The following AHCYL1 variants were observed in gnomAD, a reference collection of about 807,000 sequenced individuals.
The protein encoded by AHCYL1 is S-adenosylhomocysteine hydrolase-like protein 1.
A neutral mutation model predicts 79.3 loss-of-function variants in AHCYL1; 20 were observed. The observed-to-expected ratio is 0.25, with a 90% CI of 0.18 to 0.37. The LOEUF (loss-of-function observed/expected upper bound fraction) is 0.37, where lower values mean the gene tolerates loss of function less well. Ranked by LOEUF, AHCYL1 falls within the 10% of genes least tolerant of loss-of-function variation. AHCYL1 has a pLI of 1.00. For synonymous variants in AHCYL1, 223 were observed against 242.2 expected, an observed-to-expected ratio of 0.92 and a Z score of 0.74; for missense variants, 330 against 673.6, an observed-to-expected ratio of 0.49 and a Z score of 5.65.
In AHCYL1 at chr1:110,018,607, A is replaced by T. The variant is rs766518163; in HGVS notation, c.1274A>T (p.His425Leu). 1 of 1,614,024 alleles carries T rather than the reference A, an allele frequency of 6.2e-7. No individual in the cohort carries two copies. Among genetic ancestry groups the T allele is most frequent in the Non-Finnish European group, 8.5e-7 (1 of 1,179,974 alleles). Residue 425 changes from histidine (H) to leucine (L), a missense_variant, in exon 13 of 17, where the codon CAT (histidine) becomes CTT (leucine). By Grantham distance (99) the His-to-Leu change is moderately conservative (BLOSUM62 -3). Coordinates refer to ENST00000369799, the MANE Select transcript of AHCYL1 (RefSeq NM_006621.7). ...TWERVRSQVD[H>L]VIWPDGKRVV... The stretch of plus-strand genomic sequence containing the variant: ...GAGCGAGTACGTTCTCAGGTGGACC[A>T]TGTCATCTGGCCAGATGGCAAACGA...
intron 1 of AHCYL1, among the ~76,000 whole-genome samples, chr1:110,003,650 A>T (rs753493484): frequency 2.0e-5 from 3 of 151,728 alleles, no homozygotes; most frequent in Non-Finnish European, 2.9e-5. Context: ...CGGGAGAAAC[A>T]GAGATGACTG....
intron 1 of AHCYL1, chr1:110,003,897 T>C (rs1435131072): frequency 2.0e-6 from 2 of 985,036 alleles, no homozygotes; most frequent in Non-Finnish European, 2.4e-6. Flanking sequence ...GATTACTCAT[T>C]GACTGGAGCA....
chr1:110,015,823 T>A (rs759744275), intron 7 of AHCYL1, among the ~76,000 whole-genome samples: 20 of 152,206 alleles, frequency 1.3e-4, no homozygotes, highest in Non-Finnish European at 1.2e-4. Flanking sequence ...AATATTGTAT[T>A]ATCATTTTAT....
Position 110,016,649 on chromosome 1 carries a change from C to T in AHCYL1, c.900-18C>T, listed in dbSNP as rs544261222. 74 of 1,613,810 alleles carry T rather than the reference C, an allele frequency of 4.6e-5. No individual in the cohort carries two copies. In the South Asian group the frequency reaches 7.9e-4, roughly 17 times the overall value. ...TGAGCTATTAACGTTTGAGTTGAGCCCTTGTCTGTTTCCACAGCCTGAAGA... is the reference window on the plus strand; with the variant it reads ...TGAGCTATTAACGTTTGAGTTGAGCTCTTGTCTGTTTCCACAGCCTGAAGA... On this transcript the variant is annotated intron_variant, in intron 8 of 16. Coordinates refer to ENST00000369799, the MANE Select transcript of AHCYL1 (RefSeq NM_006621.7).
In AHCYL1 at chr1:110,014,764, A is replaced by G; in HGVS notation, c.582A>G (p.Gly194=). The G allele has an allele frequency of 1.9e-6, 3 of 1,613,292 alleles. No individual in the cohort carries two copies. The highest frequency in any genetic ancestry group is 1.7e-6 in the Non-Finnish European group (2 of 1,179,274). ...GCTGATTCATTTCTGTCTCTACAGG[A>G]GTTGCAGTGTTCGCTTGGAAGGGCG... ...NEVAAALAEA[G]VAVFAWKGES... Residue 194 remains glycine, a splice_region_variant and synonymous_variant, in exon 6 of 17, where the codon GGA becomes GGG. Transcript: ENST00000369799.
At chr1:110,020,664 T>A in intron 15 of AHCYL1, 67 bp from the exon 16 acceptor site, 1 of 1,496,690 alleles carries the variant, frequency 6.7e-7, no homozygotes, top group Non-Finnish European at 8.9e-7. Flanking sequence ...CAAATGAAAA[T>A]GGGAAGTTAT....
chr1:110,011,413 A>G (rs1248723129), intron 3 of AHCYL1, 56 bp downstream of exon 3: 3 of 1,599,204 alleles, frequency 1.9e-6, no homozygotes, highest in Non-Finnish European at 2.6e-6. Context: ...TGGCCATCAG[A>G]ATCCACAAAC....
intron 16 of AHCYL1, among the ~76,000 whole-genome samples, 172 bp from the exon 17 acceptor site, chr1:110,021,502 A>G (rs1162683013): frequency 6.6e-6 from 1 of 152,140 alleles, no homozygotes; most frequent in Non-Finnish European, 1.5e-5. Flanking sequence ...CAGAAATGGC[A>G]TTGTCAGAGA....
At position 110,017,970 on chromosome 1, in the gene AHCYL1, G is replaced by A. The variant is rs766783122; in HGVS notation, c.1077G>A (p.Lys359=). ...QACMDGFRVV[K]LNEVIRQVDV... The stretch of plus-strand genomic sequence containing the variant: ...GCATGGATGGGTTCAGGGTGGTAAA[G>A]CTAAATGAAGTCATCCGGCAAGTCG... Residue 359 remains lysine, a synonymous_variant, in exon 11 of 17, where the codon AAG becomes AAA. Coordinates refer to ENST00000369799, the MANE Select transcript of AHCYL1 (RefSeq NM_006621.7). 6.2e-7 allele frequency: 1 copy of A among 1,614,162 alleles called. No individual in the cohort carries two copies. The highest frequency in any genetic ancestry group is 1.1e-5 in the South Asian group (1 of 91,076).
chr1:109,985,666 A>G lies in AHCYL1; in HGVS notation c.120+494A>G, dbSNP rs139601773. The G allele has an allele frequency of 1.5e-3, 762 of 512,488 alleles. 6 individuals are homozygous for G. The highest frequency in any genetic ancestry group is 0.013 in the African/African-American group (649 of 48,124). The allele number at this position is 512,488 out of a possible 1,614,324, so 31.7% of individuals were successfully genotyped here. Reference sequence around the variant, plus strand: ...ATGCGTGAAGCTAGCTCTGATATACAGGTGAAAGCGATGAGGGTAACATGA... The same window carrying G: ...ATGCGTGAAGCTAGCTCTGATATACGGGTGAAAGCGATGAGGGTAACATGA... On this transcript the variant is annotated intron_variant, in intron 1 of 16. Transcript: ENST00000369799.
chr1:110,020,964 A>G, intron 16 of AHCYL1, 113 bp downstream of exon 16: 1 of 1,466,494 alleles, frequency 6.8e-7, no homozygotes, highest in Non-Finnish European at 9.1e-7. Context: ...AGAATACAAG[A>G]AATCTGTTCC....
Position 109,994,960 on chromosome 1 carries a change from A to G in AHCYL1, c.120+9788A>G, listed in dbSNP as rs117785276. Among the ~76,000 whole-genome samples, 25 of 152,322 alleles carry G rather than the reference A, an allele frequency of 1.6e-4. No individual in the cohort carries two copies. In the East Asian group the frequency reaches 3.7e-3, roughly 22 times the overall value. On this transcript the variant is annotated intron_variant, in intron 1 of 16. Transcript: ENST00000369799. ...GTTGGGAACATGGTGTTCTCAGTGT[A>G]ATAAGATGTATTGTAAGTCCAAGGA...
intron 1 of AHCYL1, among the ~76,000 whole-genome samples, chr1:110,002,089 C>CT (rs1376574505): frequency 9.9e-5 from 15 of 152,072 alleles, no homozygotes; most frequent in Admixed American, 9.8e-4. Context: ...GAAAATTAAA[C>CT]TTTTTTTAAA....
intron 1 of AHCYL1, among the ~76,000 whole-genome samples, chr1:110,006,635 A>G (rs1650675690): frequency 6.6e-6 from 1 of 152,228 alleles, no homozygotes; most frequent in Non-Finnish European, 1.5e-5. Context: ...TACTTCACCA[A>G]GAGAAAACAG....
intron 1 of AHCYL1, among the ~76,000 whole-genome samples, chr1:109,988,666 A>G (rs527592407): frequency 2.0e-5 from 3 of 152,352 alleles, no homozygotes; most frequent in Non-Finnish European, 4.4e-5. Flanking sequence ...ACTTCTGAAC[A>G]TTAAAGGCAC....
chr1:110,020,911 G>C, intron 16 of AHCYL1, 60 bp downstream of exon 16: 9 of 1,559,936 alleles, frequency 5.8e-6, no homozygotes, highest in Non-Finnish European at 7.8e-6. Flanking sequence ...AAGCAGGCTA[G>C]CCTGCTTCTG....
At chr1:110,003,836 G>A (rs1650471045) in intron 1 of AHCYL1, 2 of 768,556 alleles carry the variant, frequency 2.6e-6, no homozygotes, top group African/African-American at 3.8e-5. Flanking sequence ...CCTACTTACT[G>A]CCTTTTTTCT....
chr1:110,005,483 G>A (rs757851683), intron 1 of AHCYL1, among the ~76,000 whole-genome samples: 2 of 152,192 alleles, frequency 1.3e-5, no homozygotes, highest in African/African-American at 2.4e-5. Flanking sequence ...TTAAGGGACC[G>A]TGTTTCCTTG....
At chr1:110,017,706 C>G in intron 10 of AHCYL1, 123 bp downstream of exon 10, 1 of 1,089,972 alleles carries the variant, frequency 9.2e-7, no homozygotes, top group Admixed American at 2.3e-5. Flanking sequence ...GCTAGGACTG[C>G]TCTGTTCTTC....
Sources: allele counts gnomAD v4.1 joint callset (sites outside exome capture counted in the v4.1 genomes callset), GRCh38; gene constraint gnomAD v4.1.1; transcripts MANE v1.5; gene names NCBI Gene and HGNC (gene_info 2026-07-23, HGNC 2026-07-21).